Variants in FAM171A1 observed in about 807,000 individuals in gnomAD.
The protein encoded by FAM171A1 is family with sequence similarity 171 member A1, also known as protein FAM171A1.
Under a neutral mutation model 74.9 loss-of-function variants are expected in FAM171A1, and 23 were observed. The observed-to-expected ratio is 0.31, with a 90% CI of 0.22 to 0.44. The LOEUF is 0.44. FAM171A1 is among the 20% of genes least tolerant of loss of function. The probability of loss-of-function intolerance (pLI) is 1.00; values close to 1 mark genes in which losing one functional copy is unlikely to be tolerated. For missense variants in FAM171A1, 1,162 were observed against 1,159.2 expected, an observed-to-expected ratio of 1.00 and a Z score of -0.03; for synonymous variants, 527 against 505.7, an observed-to-expected ratio of 1.04 and a Z score of -0.57.
intron 1 of FAM171A1, among the ~76,000 whole-genome samples, chr10:15,310,842 G>C (rs1411492421): frequency 6.6e-6 from 1 of 151,262 alleles, no homozygotes; most frequent in Non-Finnish European, 1.5e-5. Context: ...AAAAAAAAAA[G>C]ACCCATTGGG....
intron 5 of FAM171A1, among the ~76,000 whole-genome samples, 174 bp downstream of exon 5, chr10:15,248,465 G>C (rs899947362): frequency 6.6e-6 from 1 of 152,144 alleles, no homozygotes; most frequent in Admixed American, 6.5e-5. Flanking sequence ...CCCAAGAGAG[G>C]GTCTGAATGG....
chr10:15,216,165 G>A (rs1045010326), intron 6 of FAM171A1, 55 bp from the exon 7 acceptor site: 1 of 1,138,360 alleles, frequency 8.8e-7, no homozygotes, highest in Non-Finnish European at 1.3e-6. Flanking sequence ...CTCAAAAGAG[G>A]GATCATTCAT....
intron 1 of FAM171A1, among the ~76,000 whole-genome samples, chr10:15,369,213 A>AATATATATATATATATATATATATTGAAT (rs71505070): frequency 6.9e-6 from 1 of 145,762 alleles, no homozygotes; most frequent in Non-Finnish European, 1.5e-5. Flanking sequence ...ATATATATTG[A>AATATATATATATATATATATATATTGAAT]ATATATATAT....
intron 1 of FAM171A1, among the ~76,000 whole-genome samples, chr10:15,351,715 A>AGT (rs1315723502): frequency 6.6e-6 from 1 of 152,032 alleles, no homozygotes; most frequent in Non-Finnish European, 1.5e-5. Flanking sequence ...ATGGATGGAG[A>AGT]GTGGCTCATC....
At chr10:15,300,031 T>C (rs556740961) in intron 1 of FAM171A1, among the ~76,000 whole-genome samples, 1 of 152,036 alleles carries the variant, frequency 6.6e-6, no homozygotes, top group Non-Finnish European at 1.5e-5. Flanking sequence ...TGGAAAACTA[T>C]GGATGGCCTA....
chr10:15,238,793 CA>C (rs1834328495), intron 5 of FAM171A1, among the ~76,000 whole-genome samples: 1 of 152,216 alleles, frequency 6.6e-6, no homozygotes, highest in Admixed American at 6.5e-5. Context: ...GCAACCCCCA[CA>C]CACTCTCAGG....
At chr10:15,354,973 C>A (rs545105012) in intron 1 of FAM171A1, among the ~76,000 whole-genome samples, 1 of 152,190 alleles carries the variant, frequency 6.6e-6, no homozygotes, top group Non-Finnish European at 1.5e-5. Context: ...AGAACTTAAC[C>A]TTTAAAAGTT....
chr10:15,235,038 GGT>G (rs1834265774), intron 5 of FAM171A1, among the ~76,000 whole-genome samples: 1 of 152,062 alleles, frequency 6.6e-6, no homozygotes, highest in Non-Finnish European at 1.5e-5. Flanking sequence ...TGCCGGGCGT[GGT>G]GTCTCACGCC....
intron 7 of FAM171A1, among the ~76,000 whole-genome samples, chr10:15,215,588 A>G (rs770209800): frequency 2.0e-5 from 3 of 152,110 alleles, no homozygotes; most frequent in Non-Finnish European, 4.4e-5. Flanking sequence ...CTGGTCTCGA[A>G]CTTCTGACCT....
At position 15,255,654 on chromosome 10, in the gene FAM171A1, C is replaced by CTT. The variant is rs35247955; in HGVS notation, c.419-777_419-776dup. Among the ~76,000 whole-genome samples the CTT allele has an allele frequency of 4.3e-3, 635 of 146,082 alleles. 2 individuals carry two copies. The highest frequency in any genetic ancestry group is 0.014 in the African/African-American group (558 of 39,838). On this transcript the variant is annotated intron_variant, in intron 3 of 7. Transcript: ENST00000378116. ...CAAATTTTCTTTTTCTTTTCTTCTT[C>CTT]TTTTTTTTTTTTGAGATGGAGTTTT...
At chr10:15,284,921 T>TAAAGAATAAAAAATAA (rs1835017244) in intron 1 of FAM171A1, among the ~76,000 whole-genome samples, 1 of 146,834 alleles carries the variant, frequency 6.8e-6, no homozygotes, top group African/African-American at 2.5e-5. Flanking sequence ...AAGAGAAGGT[T>TAAAGAATAAAAAATAA]AGAAAAAGAA....
At chr10:15,289,233 G>T (rs921386748) in intron 1 of FAM171A1, among the ~76,000 whole-genome samples, 37 of 152,228 alleles carry the variant, frequency 2.4e-4, no homozygotes, top group African/African-American at 8.4e-4. Flanking sequence ...ATGACAACCA[G>T]GGCAGCTGTC....
chr10:15,312,729 C>CTTTTTTTT (rs1835378817), intron 1 of FAM171A1, among the ~76,000 whole-genome samples: 16 of 50,796 alleles, frequency 3.1e-4, no homozygotes, highest in African/African-American at 6.4e-4. Flanking sequence ...CGATATTTTG[C>CTTTTTTTT]TCTTGTTGCC....
At chr10:15,316,346 G>A (rs1420085126) in intron 1 of FAM171A1, among the ~76,000 whole-genome samples, 3 of 152,184 alleles carry the variant, frequency 2.0e-5, no homozygotes, top group Non-Finnish European at 2.9e-5. Context: ...GGCAGCGCGT[G>A]GCCTCCTTCC....
At chr10:15,297,483 A>G (rs191609533) in intron 1 of FAM171A1, among the ~76,000 whole-genome samples, 40 of 152,302 alleles carry the variant, frequency 2.6e-4, no homozygotes, top group Middle Eastern at 3.4e-3. Flanking sequence ...CTCTGGGCAA[A>G]CAATCAGTGG....
Position 15,278,641 on chromosome 10 carries a change from C to T in FAM171A1, c.326-2694G>A, listed in dbSNP as rs181179130. Among the ~76,000 whole-genome samples the T allele has an allele frequency of 1.9e-4, 29 of 152,232 alleles. No homozygotes were observed. In the East Asian group the frequency reaches 4.1e-3, roughly 21 times the overall value. On this transcript the variant is annotated intron_variant, in intron 2 of 7. Coordinates refer to ENST00000378116, the MANE Select transcript of FAM171A1 (RefSeq NM_001010924.2). ...TGGAAACATCAGGCTGAGCGAAAGA[C>T]GCCAGACACAAAAAGCCACGTATTC... is the stretch of plus-strand genomic sequence containing the variant.
intron 1 of FAM171A1, among the ~76,000 whole-genome samples, chr10:15,370,028 C>T (rs566704261): frequency 6.0e-4 from 91 of 152,230 alleles, no homozygotes; most frequent in African/African-American, 2.0e-3. Flanking sequence ...GAGGAGTCCT[C>T]GACGCTGTCC....
In FAM171A1 at chr10:15,297,794, T is replaced by G. The variant is rs186554517; in HGVS notation, c.98-13689A>C. Among the ~76,000 whole-genome samples the G allele has an allele frequency of 5.0e-3, 757 of 152,306 alleles. 9 individuals carry two copies. The highest frequency in any genetic ancestry group is 0.029 in the Admixed American group (438 of 15,296). ...TAAGAATCCTGTTACCCTAATAAGT[T>G]AAACAGCAGAAGTTCATTCTCTATT... is the stretch of plus-strand genomic sequence containing the variant. On this transcript the variant is annotated intron_variant, in intron 1 of 7. Transcript: ENST00000378116.
intron 1 of FAM171A1, among the ~76,000 whole-genome samples, chr10:15,304,684 T>C (rs1304551654): frequency 6.6e-6 from 1 of 152,280 alleles, no homozygotes; most frequent in African/African-American, 2.4e-5. Context: ...GCCCTCCTCT[T>C]GGGAACTGTG....
Sources: allele counts gnomAD v4.1 joint callset (sites outside exome capture counted in the v4.1 genomes callset), GRCh38; gene constraint gnomAD v4.1.1; transcripts MANE v1.5; gene names NCBI Gene and HGNC (gene_info 2026-07-23, HGNC 2026-07-21).